PUM3: variants seen among roughly 807,000 people sequenced by gnomAD.
The protein encoded by PUM3 is pumilio homolog 3.
Under a neutral mutation model 84.0 loss-of-function variants are expected in PUM3, and 91 were observed. That is an observed-to-expected ratio of 1.08 (90% CI 0.91 to 1.29). The LOEUF is 1.29. Ranked by LOEUF, PUM3 falls within the 50% of genes most tolerant of loss-of-function variation. The pLI is 0.00. For synonymous variants in PUM3, 321 were observed against 266.7 expected (o/e 1.20, Z -1.98); for missense variants, 1,067 against 767.5 (o/e 1.39, Z -4.61).
At chr9:2,839,060 T>C (rs929213071) in intron 1 of PUM3, among the ~76,000 whole-genome samples, 1 of 152,188 alleles carries the variant, frequency 6.6e-6, no homozygotes, top group African/African-American at 2.4e-5. Context: ...TCTGTGATTG[T>C]TTTAGACGCA....
chr9:2,836,713 C>A (rs1007992722), intron 3 of PUM3, among the ~76,000 whole-genome samples: 1 of 152,074 alleles, frequency 6.6e-6, no homozygotes. Flanking sequence ...CATCCTTAAC[C>A]AAGGCTGACA....
At chr9:2,806,896 G>A (rs1201197653) in intron 17 of PUM3, among the ~76,000 whole-genome samples, 3 of 152,132 alleles carry the variant, frequency 2.0e-5, no homozygotes, top group African/African-American at 7.2e-5. Context: ...AGTTTTCACA[G>A]GGATGTAAGT....
At chr9:2,841,874 T>C (rs1816275776) in intron 1 of PUM3, among the ~76,000 whole-genome samples, 1 of 152,234 alleles carries the variant, frequency 6.6e-6, no homozygotes. Context: ...TCAAGTTTAC[T>C]CTTTCTGGTG....
chr9:2,838,607 T>G lies in PUM3; in HGVS notation c.-10-90A>C, dbSNP rs1357451897. On this transcript the variant is annotated intron_variant, in intron 1 of 17. Coordinates refer to ENST00000397885, the MANE Select transcript of PUM3 (RefSeq NM_014878.5). Reference sequence around the variant, plus strand: ...TCATAGTCATTGCCACATTTAGTCCTTCAGTCTACAAATACAATACAAATC... The same window carrying G: ...TCATAGTCATTGCCACATTTAGTCCGTCAGTCTACAAATACAATACAAATC... The G allele has an allele frequency of 3.9e-6, 3 of 774,360 alleles. No homozygotes were observed. In the African/African-American group the frequency reaches 5.1e-5, roughly 13 times the overall value. 48.0% of individuals were successfully genotyped at this position (774,360 alleles called of 1,614,324 possible).
At chr9:2,821,835 T>A (rs1045179661) in intron 12 of PUM3, among the ~76,000 whole-genome samples, 4 of 152,182 alleles carry the variant, frequency 2.6e-5, no homozygotes, top group African/African-American at 9.6e-5. Context: ...CTAATTGTAA[T>A]TTTAAAAACT....
chr9:2,839,785 T>C (rs1413168669), intron 1 of PUM3, among the ~76,000 whole-genome samples: 1 of 152,266 alleles, frequency 6.6e-6, no homozygotes, highest in Non-Finnish European at 1.5e-5. Flanking sequence ...TCTACACCTG[T>C]AGTTTTCTAA....
chr9:2,820,837 T>A (rs1821574410), intron 12 of PUM3, among the ~76,000 whole-genome samples: 1 of 152,186 alleles, frequency 6.6e-6, no homozygotes, highest in Admixed American at 6.5e-5. Context: ...ATAAAATTAT[T>A]TCCATGATGC....
At chr9:2,818,481 G>T (rs1287190900) in intron 13 of PUM3, among the ~76,000 whole-genome samples, 1 of 152,146 alleles carries the variant, frequency 6.6e-6, no homozygotes, top group African/African-American at 2.4e-5. Flanking sequence ...AATCCATTTG[G>T]AACAGCTATG....
Position 2,838,429 on chromosome 9 carries a change from T to C in PUM3, c.79A>G (p.Ser27Gly), listed in dbSNP as rs372804076. Residue 27 changes from serine to glycine, a missense_variant, in exon 2 of 18, where the codon AGT (serine) becomes GGT (glycine). Physicochemically the swap from Ser to Gly is moderately conservative, Grantham distance 56 (BLOSUM62 0). Coordinates refer to ENST00000397885, the MANE Select transcript of PUM3 (RefSeq NM_014878.5). ...AQEKNRFHKN[S>G]DSGSSKTFPT... ...CCACATGGGAAGCATATCTTACCACTATTTTTATGAAATCTGTTTTTTTCT... is the reference window on the plus strand; with the variant it reads ...CCACATGGGAAGCATATCTTACCACCATTTTTATGAAATCTGTTTTTTTCT... 1.1e-5 allele frequency: 18 copies of C among 1,606,948 alleles called. No homozygotes were observed. The African/African-American group carries it at 2.0e-4, about 18-fold the overall frequency.
At position 2,828,765 on chromosome 9, in the gene PUM3, C is replaced by T. The variant is rs2173904; in HGVS notation, c.866G>A (p.Arg289Gln). Residue 289 changes from arginine to glutamine, a missense_variant, in exon 9 of 18, where the codon CGA (arginine) becomes CAA (glutamine). Coordinates refer to ENST00000397885, the MANE Select transcript of PUM3 (RefSeq NM_014878.5). ...TACCTCTAACACTTTGTCCAGAGTT[C>T]GGTGATCTGCTGACTGCAACAAAAC... ...TFQLYKSADH[R>Q]TLDKVLEVQP... 3.8e-5 allele frequency: 60 copies of T among 1,586,474 alleles called. No homozygotes were observed. In the Admixed American group the frequency reaches 7.5e-4, roughly 20 times the overall value.
intron 10 of PUM3, among the ~76,000 whole-genome samples, chr9:2,826,515 G>A (rs1447395056): frequency 6.6e-6 from 1 of 152,148 alleles, no homozygotes; most frequent in Non-Finnish European, 1.5e-5. Flanking sequence ...TGGAAAATGA[G>A]GACAAATGGA....
At chr9:2,808,008 G>A (rs1164695804) in intron 16 of PUM3, 104 bp from the exon 17 acceptor site, 1 of 707,418 alleles carries the variant, frequency 1.4e-6, no homozygotes, top group African/African-American at 1.8e-5. Flanking sequence ...AAACAAAAAA[G>A]CTAACAAAAG....
At chr9:2,818,832 G>A (rs1289387507) in intron 13 of PUM3, among the ~76,000 whole-genome samples, 1 of 152,128 alleles carries the variant, frequency 6.6e-6, no homozygotes, top group Non-Finnish European at 1.5e-5. Context: ...CCTACGGCTG[G>A]CATCTAAGAA....
intron 16 of PUM3, among the ~76,000 whole-genome samples, chr9:2,809,094 G>C (rs1216271824): frequency 6.6e-6 from 1 of 152,138 alleles, no homozygotes; most frequent in African/African-American, 2.4e-5. Context: ...CACAAACCGA[G>C]CAGCCCTAGA....
chr9:2,833,488 C>T (rs1183148194), intron 4 of PUM3, 56 bp from the exon 5 acceptor site: 3 of 999,858 alleles, frequency 3.0e-6, no homozygotes, highest in Non-Finnish European at 1.5e-6. Context: ...ATTTTAAACA[C>T]ACAAAATTAA....
chr9:2,842,457 C>T (rs191954339), intron 1 of PUM3, among the ~76,000 whole-genome samples: 46 of 152,324 alleles, frequency 3.0e-4, no homozygotes, highest in Non-Finnish European at 5.3e-4. Context: ...CACCACCACA[C>T]AGGAGCCACT....
intron 5 of PUM3, 52 bp downstream of exon 5, chr9:2,833,305 G>A (rs1306443326): frequency 1.1e-6 from 1 of 939,614 alleles, no homozygotes; most frequent in African/African-American, 1.6e-5. Context: ...ACTCCTGAGA[G>A]TGAGGCAACT....
At chr9:2,842,891 T>C (rs888020883) in intron 1 of PUM3, among the ~76,000 whole-genome samples, 2 of 152,218 alleles carry the variant, frequency 1.3e-5, no homozygotes, top group Non-Finnish European at 2.9e-5. Flanking sequence ...TCTCAGCCAA[T>C]GGCACATCAT....
At chr9:2,821,063 C>T (rs1017877682) in intron 12 of PUM3, among the ~76,000 whole-genome samples, 2 of 152,086 alleles carry the variant, frequency 1.3e-5, no homozygotes, top group Non-Finnish European at 2.9e-5. Flanking sequence ...CAATTAGAAA[C>T]AATAACGAAG....
Sources: allele counts gnomAD v4.1 joint callset (sites outside exome capture counted in the v4.1 genomes callset), GRCh38; gene constraint gnomAD v4.1.1; transcripts MANE v1.5; gene names NCBI Gene and HGNC (gene_info 2026-07-23, HGNC 2026-07-21).